DACH1: variants seen among roughly 807,000 people sequenced by gnomAD.
DACH1 encodes the protein dachshund homolog 1.
A neutral mutation model predicts 54.2 loss-of-function variants in DACH1; 12 were observed. The observed-to-expected ratio is 0.22, with a 90% CI of 0.14 to 0.36. DACH1 has a LOEUF of 0.36. DACH1 is among the 10% of genes least tolerant of loss of function. The pLI is 1.00. For synonymous variants in DACH1, 386 were observed against 366.2 expected (o/e 1.05, Z -0.62); for missense variants, 805 against 929.8 (o/e 0.87, Z 1.75).
intron 1 of DACH1, among the ~76,000 whole-genome samples, chr13:71,855,101 C>G (rs985853314): frequency 6.6e-6 from 1 of 151,936 alleles, no homozygotes; most frequent in African/African-American, 2.4e-5. Context: ...TCCTCTATTC[C>G]AAGAATTGAT....
intron 6 of DACH1, among the ~76,000 whole-genome samples, chr13:71,493,270 G>T (rs1879140019): frequency 6.6e-6 from 1 of 152,070 alleles, no homozygotes; most frequent in African/African-American, 2.4e-5. Context: ...GACATGACAT[G>T]AGACAGCCCT....
At chr13:71,692,358 G>A (rs550560870) in intron 1 of DACH1, among the ~76,000 whole-genome samples, 2 of 152,004 alleles carry the variant, frequency 1.3e-5, no homozygotes, top group East Asian at 1.9e-4. Flanking sequence ...TTCTCTGTCT[G>A]TACTGTCTGC....
intron 1 of DACH1, among the ~76,000 whole-genome samples, chr13:71,737,777 G>A (rs1437543926): frequency 2.0e-5 from 3 of 152,122 alleles, no homozygotes; most frequent in Admixed American, 1.3e-4. Flanking sequence ...AGAGGCAATA[G>A]GAATGGTGAA....
intron 10 of DACH1, among the ~76,000 whole-genome samples, chr13:71,444,632 C>T (rs1287691229): frequency 6.6e-6 from 1 of 152,136 alleles, no homozygotes; most frequent in Non-Finnish European, 1.5e-5. Context: ...TTCTAATCAT[C>T]TGTGATCTGC....
chr13:71,462,518 GA>G (rs201014424), intron 10 of DACH1, among the ~76,000 whole-genome samples: 1,739 of 150,280 alleles, frequency 0.012, 27 homozygotes, highest in African/African-American at 0.036. Flanking sequence ...ATCACATACA[GA>G]AAAAAAAAAT....
At chr13:71,506,649 C>G (rs563171410) in intron 6 of DACH1, among the ~76,000 whole-genome samples, 221 of 152,166 alleles carry the variant, frequency 1.5e-3, no homozygotes, top group South Asian at 0.013. Context: ...TACCTGACTT[C>G]AAACTATACT....
intron 1 of DACH1, 52 bp downstream of exon 1, chr13:71,865,870 G>A: frequency 6.7e-7 from 1 of 1,497,084 alleles, no homozygotes; most frequent in Non-Finnish European, 8.9e-7. Flanking sequence ...GGGCAGGCGA[G>A]CAGGCTGGTG....
chr13:71,792,695 G>C (rs1886881259), intron 1 of DACH1, among the ~76,000 whole-genome samples: 1 of 152,132 alleles, frequency 6.6e-6, no homozygotes, highest in African/African-American at 2.4e-5. Context: ...CATGCCACTA[G>C]AAGGAGGCAT....
intron 1 of DACH1, 109 bp from the exon 2 acceptor site, chr13:71,682,019 G>A (rs2138702757): frequency 8.3e-6 from 5 of 603,356 alleles, no homozygotes; most frequent in East Asian, 2.9e-5. Flanking sequence ...TTTCAAGGAC[G>A]GTTGCTTTTG....
intron 1 of DACH1, among the ~76,000 whole-genome samples, chr13:71,721,880 A>G (rs1254164409): frequency 6.6e-6 from 1 of 152,138 alleles, no homozygotes; most frequent in Non-Finnish European, 1.5e-5. Context: ...TACATTATAG[A>G]CACTTAAAGT....
chr13:71,553,042 C>T (rs1471108370), intron 6 of DACH1, among the ~76,000 whole-genome samples: 2 of 146,126 alleles, frequency 1.4e-5, no homozygotes, highest in East Asian at 2.0e-4. Flanking sequence ...ATTAGCCAGG[C>T]GTGGTGGTGG....
chr13:71,496,257 CTATGTATATATATATATATATA>C (rs1879399738), intron 6 of DACH1, among the ~76,000 whole-genome samples: 2 of 26,242 alleles, frequency 7.6e-5, no homozygotes, highest in African/African-American at 1.8e-4. Flanking sequence ...AAAAAAATTG[CTATGTATATATATATATATATA>C]TATATATATA....
intron 3 of DACH1, among the ~76,000 whole-genome samples, chr13:71,614,351 C>A (rs1875591323): frequency 6.6e-6 from 1 of 152,026 alleles, no homozygotes; most frequent in African/African-American, 2.4e-5. Flanking sequence ...AGAGTAGTTT[C>A]AAGAGAATGG....
chr13:71,515,413 G>C (rs1035620817), intron 6 of DACH1, among the ~76,000 whole-genome samples: 3 of 151,822 alleles, frequency 2.0e-5, no homozygotes, highest in African/African-American at 7.3e-5. Context: ...GCTATTTTGT[G>C]ATAACATGTT....
intron 10 of DACH1, among the ~76,000 whole-genome samples, chr13:71,445,035 C>T (rs1874325727): frequency 6.6e-6 from 1 of 152,130 alleles, no homozygotes; most frequent in Non-Finnish European, 1.5e-5. Context: ...CTCTATAGCG[C>T]TTATCTCACT....
chr13:71,606,771 A>T (rs921958866), intron 3 of DACH1, among the ~76,000 whole-genome samples: 1 of 152,086 alleles, frequency 6.6e-6, no homozygotes, highest in Non-Finnish European at 1.5e-5. Context: ...GGAATAAAAT[A>T]GCTATTCATG....
intron 1 of DACH1, among the ~76,000 whole-genome samples, chr13:71,751,908 T>C (rs1884945302): frequency 6.6e-6 from 1 of 152,180 alleles, no homozygotes; most frequent in Admixed American, 6.5e-5. Flanking sequence ...TTAAAAACTT[T>C]TATGTGTGAA....
At chr13:71,685,041 A>G (rs1881092878) in intron 1 of DACH1, among the ~76,000 whole-genome samples, 7 of 152,194 alleles carry the variant, frequency 4.6e-5, no homozygotes. Context: ...TTTGAAATGT[A>G]TAGCCCTTTA....
At chr13:71,777,091 G>A (rs1886094478) in intron 1 of DACH1, among the ~76,000 whole-genome samples, 1 of 151,994 alleles carries the variant, frequency 6.6e-6, no homozygotes, top group Non-Finnish European at 1.5e-5. Flanking sequence ...TCACTGTTTT[G>A]CCCCCATGGT....
Sources: allele counts gnomAD v4.1 joint callset (sites outside exome capture counted in the v4.1 genomes callset), GRCh38; gene constraint gnomAD v4.1.1; transcripts MANE v1.5; gene names NCBI Gene and HGNC (gene_info 2026-07-23, HGNC 2026-07-21).